Variants in MAST4 observed in about 807,000 individuals in gnomAD.
The protein encoded by MAST4 is microtubule-associated serine/threonine-protein kinase 4.
In MAST4, 89 loss-of-function variants were observed where a neutral mutation model predicts 162.7. The observed-to-expected ratio is 0.55, with a 90% CI of 0.46 to 0.65. The LOEUF (loss-of-function observed/expected upper bound fraction) is 0.65. Among genes scored for constraint, MAST4 ranks in the 30% least tolerant of loss-of-function variants. The probability of loss-of-function intolerance (pLI) is 0.00; values close to 1 mark genes in which losing one functional copy is unlikely to be tolerated. For missense variants in MAST4, 3,153 were observed against 3,374.0 expected (o/e 0.93, Z 1.62); for synonymous variants, 1,479 against 1,361.1 (o/e 1.09, Z -1.91).
At chr5:66,683,862 G>A (rs947171548) in intron 1 of MAST4, among the ~76,000 whole-genome samples, 8 of 152,186 alleles carry the variant, frequency 5.3e-5, no homozygotes, top group Non-Finnish European at 7.3e-5. Flanking sequence ...CAGGCTGACA[G>A]ATGCTGCAGA....
intron 4 of MAST4, among the ~76,000 whole-genome samples, chr5:66,971,571 A>G (rs1747439872): frequency 6.6e-6 from 1 of 152,238 alleles, no homozygotes; most frequent in Non-Finnish European, 1.5e-5. Flanking sequence ...TCACAGCTCA[A>G]GATGATTGAT....
rs1774237308 is a variant in MAST4, at chr5:67,167,962, A to C, written c.*911A>C. The stretch of plus-strand genomic sequence containing the variant: ...TCCTTCTTTTCAAACTCTTAAACTC[A>C]GGCCTTTATGCTGTGAGTGACTAGT... On this transcript the variant is annotated 3_prime_UTR_variant, in exon 29 of 29. Coordinates refer to ENST00000403625, the MANE Select transcript of MAST4 (RefSeq NM_001164664.2). 1 of 152,226 alleles carries C rather than the reference A, an allele frequency of 6.6e-6. No individual in the cohort carries two copies. The highest frequency in any genetic ancestry group is 1.5e-5 in the Non-Finnish European group (1 of 68,054). The allele number at this position is 152,226 out of a possible 1,614,324, so 9.4% of individuals were successfully genotyped here. A position where few individuals can be genotyped will look rare whatever the true frequency, so the allele number is the denominator to read the frequency against.
intron 3 of MAST4, among the ~76,000 whole-genome samples, chr5:66,791,929 T>G (rs1000753191): frequency 1.3e-5 from 2 of 152,186 alleles, no homozygotes; most frequent in African/African-American, 4.8e-5. Context: ...TGTGCCCAGA[T>G]TTGGATGCCA....
At chr5:66,662,261 T>C (rs183249800) in intron 1 of MAST4, 16 of 152,280 alleles carry the variant, frequency 1.1e-4, no homozygotes, top group Admixed American at 9.2e-4. Flanking sequence ...CTATTCTTAT[T>C]GCCCTTCCAT....
At chr5:66,833,612 T>C (rs2053692) in intron 3 of MAST4, among the ~76,000 whole-genome samples, 1 of 152,230 alleles carries the variant, frequency 6.6e-6, no homozygotes, top group Non-Finnish European at 1.5e-5. Context: ...CCAAACTGCA[T>C]GTATCCCGTT....
intron 3 of MAST4, among the ~76,000 whole-genome samples, chr5:66,878,618 AT>A (rs748700135): frequency 2.8e-4 from 42 of 152,194 alleles, no homozygotes; most frequent in Non-Finnish European, 5.6e-4. Flanking sequence ...GCAATGCAAG[AT>A]TTCTCAGGGT....
At chr5:66,662,243 T>A (rs993160160) in intron 1 of MAST4, 19 of 152,138 alleles carry the variant, frequency 1.2e-4, no homozygotes, top group African/African-American at 4.6e-4. Context: ...CACACAACAC[T>A]CTTTGGACTA....
intron 1 of MAST4, among the ~76,000 whole-genome samples, chr5:66,629,362 T>C (rs551076919): frequency 1.7e-3 from 264 of 152,338 alleles, no homozygotes; most frequent in Non-Finnish European, 3.0e-3. Flanking sequence ...TTAATACCTG[T>C]GCAGTTAGCT....
At chr5:67,152,933 G>C in intron 25 of MAST4, 67 bp downstream of exon 25, 1 of 1,299,936 alleles carries the variant, frequency 7.7e-7, no homozygotes, top group Non-Finnish European at 1.1e-6. Flanking sequence ...GGATAGGTTG[G>C]CTGATAAATA....
At chr5:66,702,842 A>G (rs1749868004) in intron 1 of MAST4, among the ~76,000 whole-genome samples, 1 of 152,138 alleles carries the variant, frequency 6.6e-6, no homozygotes, top group Non-Finnish European at 1.5e-5. Flanking sequence ...GTGAGGAGTA[A>G]TATAATTCAA....
intron 3 of MAST4, among the ~76,000 whole-genome samples, chr5:66,825,261 G>GACACAC (rs56076405): frequency 0.02 from 2,744 of 135,582 alleles, 39 homozygotes; most frequent in Non-Finnish European, 0.026. Context: ...TAAAAACTAA[G>GACACAC]ACACACACAC....
At chr5:67,154,919 G>T (rs1490923850) in intron 26 of MAST4, among the ~76,000 whole-genome samples, 1 of 152,148 alleles carries the variant, frequency 6.6e-6, no homozygotes, top group Non-Finnish European at 1.5e-5. Context: ...TCAGTGCTGG[G>T]CTCCTGTGTG....
chr5:66,950,717 T>C (rs1371786971), intron 4 of MAST4, among the ~76,000 whole-genome samples: 1 of 152,180 alleles, frequency 6.6e-6, no homozygotes. Context: ...GCTTCCACTT[T>C]TGGCTATTGT....
intron 10 of MAST4, among the ~76,000 whole-genome samples, chr5:67,106,632 T>A (rs1561660283): frequency 6.6e-6 from 1 of 152,192 alleles, no homozygotes; most frequent in Non-Finnish European, 1.5e-5. Flanking sequence ...CTCTTCAAAT[T>A]CATACTTTTA....
At chr5:66,919,751 G>A (rs999745567) in intron 4 of MAST4, among the ~76,000 whole-genome samples, 1 of 151,412 alleles carries the variant, frequency 6.6e-6, no homozygotes, top group African/African-American at 2.4e-5. Flanking sequence ...TATTTACCCT[G>A]ATTTTGGTCT....
At chr5:67,014,177 A>AT (rs1753015939) in intron 4 of MAST4, among the ~76,000 whole-genome samples, 1 of 152,116 alleles carries the variant, frequency 6.6e-6, no homozygotes, top group Non-Finnish European at 1.5e-5. Flanking sequence ...AACACAAGTA[A>AT]TTTGCTAACC....
At chr5:66,744,517 AGGTTTAATT>A (rs1026121651) in intron 1 of MAST4, among the ~76,000 whole-genome samples, 61 of 152,324 alleles carry the variant, frequency 4.0e-4, no homozygotes, top group African/African-American at 1.4e-3. Context: ...TAAGGAAAAG[AGGTTTAATT>A]GGCTCATAGT....
chr5:67,024,060 T>G (rs1754314889), intron 4 of MAST4, among the ~76,000 whole-genome samples: 2 of 150,908 alleles, frequency 1.3e-5, no homozygotes. Context: ...CAACTCCCCA[T>G]TCCCCCTCCC....
At chr5:67,111,557 C>T (rs1056667018) in intron 11 of MAST4, among the ~76,000 whole-genome samples, 5 of 152,098 alleles carry the variant, frequency 3.3e-5, no homozygotes, top group African/African-American at 1.2e-4. Context: ...TCTTGGATGC[C>T]TCAGAGAGAA....
Sources: gnomAD v4.1 joint callset for allele counts (sites outside exome capture counted in the v4.1 genomes callset) on GRCh38, gnomAD v4.1.1 for gene constraint, MANE v1.5 for transcripts, NCBI Gene and HGNC (gene_info 2026-07-23, HGNC 2026-07-21) for gene names.